The following ZRANB3 variants were observed in gnomAD, a reference collection of about 807,000 sequenced individuals.
The protein encoded by ZRANB3 is DNA annealing helicase and endonuclease ZRANB3.
In ZRANB3, 125 loss-of-function variants were observed where a neutral mutation model predicts 133.8. That is an observed-to-expected ratio of 0.93 (90% CI 0.81 to 1.08). The LOEUF (loss-of-function observed/expected upper bound fraction) is 1.08, where lower values mean the gene tolerates loss of function less well. Ranked by LOEUF, ZRANB3 falls within the 50% of genes least tolerant of loss-of-function variation. The pLI, the probability that ZRANB3 is intolerant of heterozygous loss-of-function variation, is 0.00. For missense variants in ZRANB3, 1,229 were observed against 1,275.5 expected (o/e 0.96, Z 0.56); for synonymous variants, 387 against 432.7 (o/e 0.89, Z 1.31).
At chr2:135,461,866 T>A (rs1690781625) in intron 2 of ZRANB3, among the ~76,000 whole-genome samples, 1 of 152,182 alleles carries the variant, frequency 6.6e-6, no homozygotes, top group South Asian at 2.1e-4. Context: ...TCTGAAAAGA[T>A]CGTTAGCAGG....
intron 6 of ZRANB3, among the ~76,000 whole-genome samples, chr2:135,322,777 G>A (rs1016704899): frequency 1.3e-4 from 20 of 152,216 alleles, no homozygotes; most frequent in African/African-American, 4.8e-4. Context: ...AGCACTTTGG[G>A]AGGCCGAGGC....
rs1693533700 is a variant in ZRANB3, at chr2:135,199,548, C to T, written c.*794G>A. 6.6e-6 allele frequency: 1 copy of T among 152,228 alleles called. No homozygotes were observed. Among genetic ancestry groups the T allele is most frequent in the Non-Finnish European group, 1.5e-5 (1 of 68,074 alleles). 9.4% of individuals were successfully genotyped at this position (152,228 alleles called of 1,614,324 possible). ...ATCTCCTGACCTCATGATCCACCCG[C>T]TTTGGCCTCCCAAAGTGCTGGGATT... is the stretch of plus-strand genomic sequence containing the variant. On this transcript the variant is annotated 3_prime_UTR_variant, in exon 21 of 21. Coordinates refer to ENST00000264159, the MANE Select transcript of ZRANB3 (RefSeq NM_032143.4).
At position 135,280,297 on chromosome 2, in the gene ZRANB3, G is replaced by A. The variant is rs556565701; in HGVS notation, c.967-4542C>T. ...TTTAAAAAAATGCAGGCCAGGCGTGGGGGCTCATGCCTGTAATCCCAGCAC... is the reference window on the plus strand; with the variant it reads ...TTTAAAAAAATGCAGGCCAGGCGTGAGGGCTCATGCCTGTAATCCCAGCAC... On this transcript the variant is annotated intron_variant, in intron 8 of 20. Transcript: ENST00000264159. Among the ~76,000 whole-genome samples the A allele has an allele frequency of 1.6e-4, 25 of 152,302 alleles. No individual in the cohort carries two copies. In the South Asian group the frequency reaches 3.7e-3, roughly 23 times the overall value.
intron 2 of ZRANB3, among the ~76,000 whole-genome samples, chr2:135,424,495 T>C (rs933492053): frequency 9.2e-5 from 14 of 152,274 alleles, no homozygotes; most frequent in African/African-American, 3.1e-4. Flanking sequence ...CACTCTGGGA[T>C]GCCGAGGTGG....
chr2:135,236,189 T>C (rs550084046), intron 12 of ZRANB3, among the ~76,000 whole-genome samples: 13 of 152,278 alleles, frequency 8.5e-5, no homozygotes, highest in African/African-American at 2.6e-4. Flanking sequence ...CCATTCACAA[T>C]TGCTTCAAAG....
chr2:135,288,487 C>G lies in ZRANB3; in HGVS notation c.967-12732G>C, dbSNP rs537348454. The stretch of plus-strand genomic sequence containing the variant: ...AGGATTCCCACTTTATCTTTCGGAA[C>G]AGTTTCAATAGAATTGGTACCAATT... On this transcript the variant is annotated intron_variant, in intron 8 of 20. Coordinates refer to ENST00000264159, the MANE Select transcript of ZRANB3 (RefSeq NM_032143.4). Among the ~76,000 whole-genome samples, 33 of 151,524 alleles carry G rather than the reference C, an allele frequency of 2.2e-4. 1 individual carries two copies. Among genetic ancestry groups the G allele is most frequent in the Admixed American group, 4.6e-4 (7 of 15,234 alleles).
At chr2:135,427,268 C>T (rs1453780057) in intron 2 of ZRANB3, among the ~76,000 whole-genome samples, 1 of 152,058 alleles carries the variant, frequency 6.6e-6, no homozygotes, top group Non-Finnish European at 1.5e-5. Flanking sequence ...GAGAAAGAGT[C>T]AAACTATCTC....
chr2:135,523,728 C>T (rs1188235841), intron 1 of ZRANB3, among the ~76,000 whole-genome samples: 1 of 152,150 alleles, frequency 6.6e-6, no homozygotes, highest in Non-Finnish European at 1.5e-5. Flanking sequence ...GTAAATGACA[C>T]AACAAAGAAT....
intron 8 of ZRANB3, among the ~76,000 whole-genome samples, chr2:135,297,667 C>T (rs1007213835): frequency 1.3e-5 from 2 of 152,232 alleles, no homozygotes; most frequent in African/African-American, 4.8e-5. Flanking sequence ...GTCTGCATCG[C>T]TCACGCTGGG....
chr2:135,280,753 A>AG (rs1490441363), intron 8 of ZRANB3, among the ~76,000 whole-genome samples: 1 of 152,182 alleles, frequency 6.6e-6, no homozygotes. Context: ...ATAATAAGAA[A>AG]GAAAAAAAAG....
At chr2:135,327,440 G>A (rs1683890638) in intron 6 of ZRANB3, among the ~76,000 whole-genome samples, 1 of 151,588 alleles carries the variant, frequency 6.6e-6, no homozygotes, top group African/African-American at 2.4e-5. Flanking sequence ...CAAACAGATG[G>A]GAAAAAAATG....
intron 2 of ZRANB3, among the ~76,000 whole-genome samples, chr2:135,403,149 G>T (rs546564875): frequency 6.6e-6 from 1 of 152,300 alleles, no homozygotes; most frequent in South Asian, 2.1e-4. Flanking sequence ...CCGAAGCTGG[G>T]TGAGGCATTG....
At chr2:135,505,930 A>G (rs1011884296) in intron 1 of ZRANB3, among the ~76,000 whole-genome samples, 1 of 152,220 alleles carries the variant, frequency 6.6e-6, no homozygotes, top group Non-Finnish European at 1.5e-5. Context: ...CACTTTAGGT[A>G]GGCTGACCAA....
intron 3 of ZRANB3, among the ~76,000 whole-genome samples, chr2:135,381,004 G>A (rs1686664127): frequency 6.6e-6 from 1 of 152,268 alleles, no homozygotes; most frequent in East Asian, 1.9e-4. Flanking sequence ...GACAGTGGGT[G>A]CAGGACAGAG....
intron 9 of ZRANB3, among the ~76,000 whole-genome samples, chr2:135,272,414 C>CTTTTTGTTTTTTTTTTTTTTTTTTT (rs1680563551): frequency 9.3e-6 from 1 of 107,774 alleles, no homozygotes; most frequent in African/African-American, 4.5e-5. Flanking sequence ...GAAAATAGAG[C>CTTTTTGTTTTTTTTTTTTTTTTTTT]TTTTTTTTTT....
At chr2:135,381,899 A>G (rs1179145054) in intron 3 of ZRANB3, among the ~76,000 whole-genome samples, 1 of 152,216 alleles carries the variant, frequency 6.6e-6, no homozygotes, top group Non-Finnish European at 1.5e-5. Context: ...GGGAAAAAAC[A>G]GAGCAGAAAA....
At chr2:135,507,423 T>C (rs1044383981) in intron 1 of ZRANB3, among the ~76,000 whole-genome samples, 1 of 152,164 alleles carries the variant, frequency 6.6e-6, no homozygotes, top group Non-Finnish European at 1.5e-5. Flanking sequence ...AGATATACTA[T>C]TGTGGACTTT....
intron 12 of ZRANB3, among the ~76,000 whole-genome samples, chr2:135,241,444 G>GT (rs1437319091): frequency 2.7e-5 from 4 of 148,954 alleles, no homozygotes; most frequent in Non-Finnish European, 4.4e-5. Flanking sequence ...CTACTTAAGA[G>GT]TTTTTTTAAA....
chr2:135,238,762 GC>G (rs1328925857), intron 12 of ZRANB3: 1 of 152,256 alleles, frequency 6.6e-6, no homozygotes, highest in African/African-American at 2.4e-5. Context: ...TGGGACACTT[GC>G]CTTGGGAACC....
Sources: gnomAD v4.1 joint callset for allele counts (sites outside exome capture counted in the v4.1 genomes callset) on GRCh38, gnomAD v4.1.1 for gene constraint, MANE v1.5 for transcripts, NCBI Gene and HGNC (gene_info 2026-07-23, HGNC 2026-07-21) for gene names.